The following CADPS variants were observed in gnomAD, a reference collection of about 807,000 sequenced individuals.
CADPS encodes calcium-dependent secretion activator 1.
A neutral mutation model predicts 167.3 loss-of-function variants in CADPS; 57 were observed. The observed-to-expected ratio is 0.34, with a 90% confidence interval of 0.28 to 0.42. The LOEUF is 0.42. Among genes scored for constraint, CADPS ranks in the 20% least tolerant of loss-of-function variants. The pLI is 1.00. For synonymous variants in CADPS, 676 were observed against 635.3 expected, an observed-to-expected ratio of 1.06 and a Z score of -0.96; for missense variants, 1,414 against 1,738.1, an observed-to-expected ratio of 0.81 and a Z score of 3.32.
intron 27 of CADPS, among the ~76,000 whole-genome samples, chr3:62,445,303 T>A (rs1179781390): frequency 6.6e-6 from 1 of 152,244 alleles, no homozygotes; most frequent in Non-Finnish European, 1.5e-5. Context: ...TTGTTTTTTT[T>A]ATTAGGTTGG....
chr3:62,836,969 C>T (rs1383778856), intron 1 of CADPS, among the ~76,000 whole-genome samples: 2 of 152,170 alleles, frequency 1.3e-5, no homozygotes, highest in South Asian at 2.1e-4. Context: ...GCCTTGCTTG[C>T]TCAGCCTGAA....
intron 28 of CADPS, among the ~76,000 whole-genome samples, chr3:62,436,118 C>T (rs9844504): frequency 0.21 from 32,599 of 151,980 alleles, 3,924 homozygotes; most frequent in Middle Eastern, 0.34. Context: ...TTAAGAAGAG[C>T]CACAAAAGAG....
intron 3 of CADPS, among the ~76,000 whole-genome samples, chr3:62,719,189 C>G (rs2075270232): frequency 6.6e-6 from 1 of 152,222 alleles, no homozygotes; most frequent in Non-Finnish European, 1.5e-5. Context: ...GCCTGCCTTT[C>G]TGGCACTGTC....
chr3:62,782,203 T>C (rs1253047746), intron 1 of CADPS, among the ~76,000 whole-genome samples: 3 of 152,202 alleles, frequency 2.0e-5, no homozygotes, highest in African/African-American at 7.2e-5. Flanking sequence ...TTCTGGTAAT[T>C]TTTGTACAAG....
chr3:62,799,831 C>A (rs13082505), intron 1 of CADPS, among the ~76,000 whole-genome samples: 67,181 of 152,116 alleles, frequency 0.44, 17,277 homozygotes, highest in East Asian at 0.83. Context: ...AAGTGATTAT[C>A]CATGATATTT....
intron 3 of CADPS, among the ~76,000 whole-genome samples, chr3:62,715,260 G>T (rs562012650): frequency 6.6e-6 from 1 of 152,056 alleles, no homozygotes; most frequent in African/African-American, 2.4e-5. Flanking sequence ...TTTAGCACAT[G>T]TGAGGTATTT....
chr3:62,722,902 T>C (rs900657136), intron 3 of CADPS, among the ~76,000 whole-genome samples: 2 of 152,098 alleles, frequency 1.3e-5, no homozygotes, highest in African/African-American at 2.4e-5. Context: ...CTCTACTAGA[T>C]GCCAGTAGAA....
chr3:62,718,798 T>C (rs1172982597), intron 3 of CADPS, among the ~76,000 whole-genome samples: 1 of 152,230 alleles, frequency 6.6e-6, no homozygotes, highest in African/African-American at 2.4e-5. Context: ...GTGGCACTGC[T>C]GTGCGTGGAT....
chr3:62,634,163 G>A (rs774792424), intron 6 of CADPS, among the ~76,000 whole-genome samples: 1 of 152,152 alleles, frequency 6.6e-6, no homozygotes, highest in African/African-American at 2.4e-5. Flanking sequence ...GAATGCTAGT[G>A]CCTCAAACAG....
At position 62,421,623 on chromosome 3, in the gene CADPS, C is replaced by A. The variant is rs752593879; in HGVS notation, c.3777+16481G>T. Among the ~76,000 whole-genome samples the A allele has an allele frequency of 8.5e-5, 13 of 152,326 alleles. No homozygotes were observed. The highest frequency in any genetic ancestry group is 6.8e-3 in the Middle Eastern group (2 of 294). ...ACTTTATTTTAACTTTGATTGGCTT[C>A]GTTCCCCCACCCCTCCTGACGCTTC... On this transcript the variant is annotated intron_variant, in intron 28 of 29. Coordinates refer to ENST00000383710, the MANE Select transcript of CADPS (RefSeq NM_003716.4). This position sits in a 1 kb window ranked among gnomAD's most constrained non-coding sequence, Gnocchi z 4.7.
At chr3:62,778,037 T>A (rs1279962747) in intron 1 of CADPS, among the ~76,000 whole-genome samples, 1 of 152,232 alleles carries the variant, frequency 6.6e-6, no homozygotes, top group Non-Finnish European at 1.5e-5. Context: ...CCTCTGTGAC[T>A]TTATATTATT....
At chr3:62,499,497 G>T in intron 17 of CADPS, 1 of 360,860 alleles carries the variant, frequency 2.8e-6, no homozygotes, top group Non-Finnish European at 5.2e-6. Flanking sequence ...CTTCAAATTT[G>T]CATATGAAGC....
chr3:62,512,303 T>C (rs2068017838), intron 17 of CADPS, among the ~76,000 whole-genome samples: 1 of 152,126 alleles, frequency 6.6e-6, no homozygotes, highest in Non-Finnish European at 1.5e-5. Context: ...TATCATGCGA[T>C]ACATACAAGA....
chr3:62,623,238 C>G (rs1203988930), intron 6 of CADPS, among the ~76,000 whole-genome samples: 1 of 152,046 alleles, frequency 6.6e-6, no homozygotes, highest in Non-Finnish European at 1.5e-5. Context: ...CAGAGCTGAT[C>G]CAGAAGAGAG....
At chr3:62,825,214 C>A (rs1044239780) in intron 1 of CADPS, among the ~76,000 whole-genome samples, 1 of 152,076 alleles carries the variant, frequency 6.6e-6, no homozygotes, top group Non-Finnish European at 1.5e-5. Context: ...GGAGGGGCAC[C>A]TTTTCCTTAT....
intron 3 of CADPS, among the ~76,000 whole-genome samples, chr3:62,724,487 T>C (rs1050297595): frequency 2.0e-5 from 3 of 152,194 alleles, no homozygotes; most frequent in African/African-American, 7.2e-5. Flanking sequence ...ATTCCTACTA[T>C]TTACTATCCT....
At position 62,559,012 on chromosome 3, in the gene CADPS, T is replaced by G. The variant is rs182786826; in HGVS notation, c.1645-1499A>C. Reference sequence around the variant, plus strand: ...CATCCCAGCTCTGATAAGCTGTCCGTTCTGTAAGCCTCAGAGTCTTCATCT... The same window carrying G: ...CATCCCAGCTCTGATAAGCTGTCCGGTCTGTAAGCCTCAGAGTCTTCATCT... On this transcript the variant is annotated intron_variant, in intron 9 of 29. Coordinates refer to ENST00000383710, the MANE Select transcript of CADPS (RefSeq NM_003716.4). Among the ~76,000 whole-genome samples the G allele has an allele frequency of 2.4e-3, 366 of 152,336 alleles. 1 individual carries two copies. The highest frequency in any genetic ancestry group is 8.5e-3 in the African/African-American group (353 of 41,586).
At chr3:62,706,474 A>G (rs1163802962) in intron 3 of CADPS, among the ~76,000 whole-genome samples, 1 of 152,072 alleles carries the variant, frequency 6.6e-6, no homozygotes, top group Non-Finnish European at 1.5e-5. Flanking sequence ...GTTTGCTGAA[A>G]CTGCTGTCAC....
At position 62,544,922 on chromosome 3, in the gene CADPS, AGG is replaced by A; in HGVS notation, c.1966+4979_1966+4980del. 9.5e-7 allele frequency: 1 copy of A among 1,052,022 alleles called. No individual in the cohort carries two copies. The highest frequency in any genetic ancestry group is 1.2e-6 in the Non-Finnish European group (1 of 824,042). 65.2% of individuals were successfully genotyped at this position (1,052,022 alleles called of 1,614,324 possible). A position where few individuals can be genotyped will look rare whatever the true frequency, so the allele number is the denominator to read the frequency against. On this transcript the variant is annotated intron_variant, in intron 11 of 29. Coordinates refer to ENST00000383710, the MANE Select transcript of CADPS (RefSeq NM_003716.4). The surrounding 1 kb of genome is among the most constrained non-coding windows in gnomAD (Gnocchi z 4.4). Reference sequence around the variant, plus strand: ...AACATAAAGACTAGCAACAAGGCTCAGGAAAGCAGACAGGAGTTCTAACCTAG... The same window carrying A: ...AACATAAAGACTAGCAACAAGGCTCAAAAGCAGACAGGAGTTCTAACCTAG...
Sources: allele counts gnomAD v4.1 joint callset (sites outside exome capture counted in the v4.1 genomes callset), GRCh38; gene constraint gnomAD v4.1.1; non-coding constraint Gnocchi (gnomAD v3.1); transcripts MANE v1.5; gene names NCBI Gene and HGNC (gene_info 2026-07-23, HGNC 2026-07-21).